ELK3: variants seen among roughly 807,000 people sequenced by gnomAD.
ELK3 encodes the protein ETS domain-containing protein Elk-3.
In ELK3, 10 loss-of-function variants were observed where a neutral mutation model predicts 28.9. That is an observed-to-expected ratio of 0.35 (90% CI 0.21 to 0.59). The LOEUF is 0.59. Among genes scored for constraint, ELK3 ranks in the 20% least tolerant of loss-of-function variants. The pLI, the probability that ELK3 is intolerant of heterozygous loss-of-function variation, is 0.82. For missense variants in ELK3, 463 were observed against 517.3 expected, an observed-to-expected ratio of 0.90 and a Z score of 1.02; for synonymous variants, 272 against 243.5, an observed-to-expected ratio of 1.12 and a Z score of -1.09.
At chr12:96,263,428 A>G (rs1265272227) in intron 4 of ELK3, among the ~76,000 whole-genome samples, 5 of 152,224 alleles carry the variant, frequency 3.3e-5, no homozygotes, top group Non-Finnish European at 5.9e-5. Flanking sequence ...TTTTGTTCCA[A>G]TGTGGAATAT....
chr12:96,237,932 C>T (rs557738738), intron 2 of ELK3, among the ~76,000 whole-genome samples: 2 of 152,312 alleles, frequency 1.3e-5, no homozygotes, highest in East Asian at 3.9e-4. Context: ...TGGAAGGGAA[C>T]CCAAAAGCAG....
At chr12:96,215,496 G>A (rs1300172228) in intron 1 of ELK3, among the ~76,000 whole-genome samples, 4 of 152,114 alleles carry the variant, frequency 2.6e-5, no homozygotes, top group African/African-American at 9.7e-5. Flanking sequence ...TCACGTAGGC[G>A]GAGGCGGGCA....
chr12:96,251,008 A>G (rs7953286), intron 3 of ELK3, among the ~76,000 whole-genome samples: 137,308 of 152,222 alleles, frequency 0.9, 61,897 homozygotes, highest in East Asian at 0.95. Context: ...TTGCTTTATT[A>G]CGTTTCACAA....
intron 3 of ELK3, chr12:96,255,426 T>C (rs1359636483): frequency 6.7e-6 from 1 of 149,668 alleles, no homozygotes; most frequent in Non-Finnish European, 1.5e-5. Context: ...AGAGGGCCTG[T>C]AGCCCAGGGA....
intron 2 of ELK3, among the ~76,000 whole-genome samples, chr12:96,229,655 C>T (rs893086463): frequency 4.6e-5 from 7 of 150,764 alleles, no homozygotes; most frequent in Non-Finnish European, 1.0e-4. Flanking sequence ...CCTCAGCCTC[C>T]TGAGTAGCTG....
At position 96,259,821 on chromosome 12, in the gene ELK3, G is replaced by A. The variant is rs143649233; in HGVS notation, c.1093G>A (p.Ala365Thr). 7.6e-5 allele frequency: 122 copies of A among 1,606,580 alleles called. No individual in the cohort carries two copies. The highest frequency in any genetic ancestry group is 3.3e-4 in the Middle Eastern group (2 of 6,064). The change falls in exon 4 of 5, where the codon GCC becomes ACC. Residue 365 changes from alanine (A) to threonine (T), a missense_variant. Physicochemically the swap from Ala to Thr is moderately conservative, Grantham distance 58 (BLOSUM62 0). Coordinates refer to ENST00000228741, the MANE Select transcript of ELK3 (RefSeq NM_005230.4). The part of the protein sequence containing the change: ...SLSPVAPLSP[A>T]RLQGPSTLFQ... ...TAGTCCAGTTGCTCCGCTGAGTCCT[G>A]CCAGGCTGCAAGGGCCAAGCACGCT...
chr12:96,250,173 T>A (rs1423574046), intron 3 of ELK3, among the ~76,000 whole-genome samples: 2 of 152,190 alleles, frequency 1.3e-5, no homozygotes, highest in East Asian at 3.9e-4. Flanking sequence ...GGTCACCAGC[T>A]ACACTGGGAG....
chr12:96,258,930 G>C (rs1312572428), intron 3 of ELK3, among the ~76,000 whole-genome samples: 1 of 152,190 alleles, frequency 6.6e-6, no homozygotes, highest in Non-Finnish European at 1.5e-5. Flanking sequence ...CTTCTGAAGA[G>C]GCTGCTACAG....
chr12:96,242,425 A>G (rs758754478), intron 2 of ELK3, among the ~76,000 whole-genome samples: 4 of 152,220 alleles, frequency 2.6e-5, no homozygotes, highest in Non-Finnish European at 4.4e-5. Flanking sequence ...ACAGGTTCTT[A>G]GAAGATAGCC....
At chr12:96,225,016 C>T (rs929256414) in intron 2 of ELK3, among the ~76,000 whole-genome samples, 1 of 152,166 alleles carries the variant, frequency 6.6e-6, no homozygotes, top group African/African-American at 2.4e-5. Context: ...AGGTGCTCTC[C>T]TTTAACGTAG....
rs192574785 is a variant in ELK3 at position 96,207,635 on chromosome 12, C to G, written c.-3+12930C>G. The stretch of plus-strand genomic sequence containing the variant: ...CAGGAACCACCTCTGTAAGGCAGCT[C>G]TTTGTGCTTCTCAAAAACCTCTAAA... On this transcript the variant is annotated intron_variant, in intron 1 of 4. Coordinates refer to ENST00000228741, the MANE Select transcript of ELK3 (RefSeq NM_005230.4). 1.0e-3 allele frequency among the ~76,000 whole-genome samples: 157 copies of G among 152,330 alleles called. 3 individuals carry two copies. The highest frequency in any genetic ancestry group is 0.01 in the Admixed American group (157 of 15,286).
chr12:96,197,579 C>T (rs1285497921), intron 1 of ELK3, among the ~76,000 whole-genome samples: 2 of 152,098 alleles, frequency 1.3e-5, no homozygotes, highest in African/African-American at 4.8e-5. Context: ...GAGTGACATA[C>T]GGATGGTGAC....
At chr12:96,203,483 CA>C (rs1160023980) in intron 1 of ELK3, among the ~76,000 whole-genome samples, 2 of 152,174 alleles carry the variant, frequency 1.3e-5, no homozygotes, top group Non-Finnish European at 2.9e-5. Context: ...ACCTGGCACT[CA>C]ATGAATTAAA....
intron 2 of ELK3, among the ~76,000 whole-genome samples, chr12:96,232,768 C>T (rs1183673761): frequency 6.6e-6 from 1 of 151,086 alleles, no homozygotes. Flanking sequence ...AAAAAAAAGC[C>T]CCCAAGAACC....
chr12:96,219,106 C>T (rs1368831925), intron 1 of ELK3, among the ~76,000 whole-genome samples: 1 of 152,134 alleles, frequency 6.6e-6, no homozygotes, highest in African/African-American at 2.4e-5. Context: ...CCTCCATGTG[C>T]ATAATAATCT....
At chr12:96,204,384 A>T (rs1433108791) in intron 1 of ELK3, among the ~76,000 whole-genome samples, 1 of 152,138 alleles carries the variant, frequency 6.6e-6, no homozygotes, top group African/African-American at 2.4e-5. Flanking sequence ...TTGAGTTTGG[A>T]AATAACAAAA....
At chr12:96,260,897 T>A (rs1951988202) in intron 4 of ELK3, among the ~76,000 whole-genome samples, 1 of 152,212 alleles carries the variant, frequency 6.6e-6, no homozygotes, top group African/African-American at 2.4e-5. Context: ...TGCCTGTTGA[T>A]CTGGCAATCT....
At chr12:96,240,615 A>G (rs1332947436) in intron 2 of ELK3, among the ~76,000 whole-genome samples, 4 of 152,180 alleles carry the variant, frequency 2.6e-5, no homozygotes, top group African/African-American at 9.7e-5. Flanking sequence ...TACCCAGTGC[A>G]GGGGTTAAGA....
intron 2 of ELK3, among the ~76,000 whole-genome samples, chr12:96,239,238 A>G (rs1320309687): frequency 6.6e-6 from 1 of 152,228 alleles, no homozygotes; most frequent in African/African-American, 2.4e-5. Flanking sequence ...TTACACATAT[A>G]TGCATATATA....
Sources: allele counts gnomAD v4.1 joint callset (sites outside exome capture counted in the v4.1 genomes callset), GRCh38; gene constraint gnomAD v4.1.1; transcripts MANE v1.5; gene names NCBI Gene and HGNC (gene_info 2026-07-23, HGNC 2026-07-21).